PARN: variants seen among roughly 807,000 people sequenced by gnomAD.
PARN encodes the protein poly(A)-specific ribonuclease PARN.
PARN carries 71 observed loss-of-function variants against 102.8 expected under a neutral mutation model. The observed-to-expected ratio is 0.69, with a 90% CI of 0.57 to 0.84. The LOEUF is 0.84. Among genes scored for constraint, PARN ranks in the 40% least tolerant of loss-of-function variants. The probability of loss-of-function intolerance (pLI) is 0.00; values close to 1 mark genes in which losing one functional copy is unlikely to be tolerated. For missense variants in PARN, 782 were observed against 760.9 expected, an observed-to-expected ratio of 1.03 and a Z score of -0.33; for synonymous variants, 261 against 252.9, an observed-to-expected ratio of 1.03 and a Z score of -0.30.
chr16:14,626,902 C>A (rs967491651), intron 5 of PARN, among the ~76,000 whole-genome samples: 1 of 152,118 alleles, frequency 6.6e-6, no homozygotes, highest in African/African-American at 2.4e-5. Flanking sequence ...TAGGCATGAG[C>A]CGCCGTACCT....
intron 22 of PARN, among the ~76,000 whole-genome samples, chr16:14,481,689 T>G (rs1205907310): frequency 2.0e-5 from 3 of 152,232 alleles, no homozygotes; most frequent in Non-Finnish European, 4.4e-5. Flanking sequence ...CAATCTGAAA[T>G]ATTAACAGTG....
intron 22 of PARN, among the ~76,000 whole-genome samples, chr16:14,475,401 C>T (rs984458553): frequency 6.6e-6 from 1 of 152,162 alleles, no homozygotes; most frequent in Admixed American, 6.5e-5. Flanking sequence ...CACTATGCTA[C>T]CCTGTATTTC....
intron 21 of PARN, among the ~76,000 whole-genome samples, chr16:14,502,633 T>G (rs1488275924): frequency 6.6e-6 from 1 of 152,198 alleles, no homozygotes; most frequent in African/African-American, 2.4e-5. Flanking sequence ...TCAAGTACAT[T>G]TGAATTCACA....
chr16:14,609,158 C>G lies in PARN; in HGVS notation c.555-35G>C, dbSNP rs1052632577. ...AAGAATAGACCATAACCATCAGTAC[C>G]TTTAAGGAATGAAGTCATCAACCAA... is the stretch of plus-strand genomic sequence containing the variant. On this transcript the variant is annotated intron_variant, in intron 7 of 23. Transcript: ENST00000437198. The G allele has an allele frequency of 3.9e-6, 4 of 1,029,364 alleles. No homozygotes were observed. The African/African-American group carries it at 6.4e-5, about 17-fold the overall frequency. The allele number at this position is 1,029,364 out of a possible 1,614,324, so 63.8% of individuals were successfully genotyped here. A position where few individuals can be genotyped will look rare whatever the true frequency, so the allele number is the denominator to read the frequency against.
intron 12 of PARN, among the ~76,000 whole-genome samples, chr16:14,593,693 G>GC (rs1264011283): frequency 6.6e-6 from 1 of 151,738 alleles, no homozygotes; most frequent in East Asian, 1.9e-4. Context: ...TGATTGAAAA[G>GC]TTTTTTTAAA....
chr16:14,630,117 T>C lies in PARN; in HGVS notation c.9A>G (p.Ile3Met), dbSNP rs1359611593. 1.0e-5 allele frequency: 16 copies of C among 1,562,592 alleles called. No individual in the cohort carries two copies. Among genetic ancestry groups the C allele is most frequent in the Non-Finnish European group, 1.3e-5 (15 of 1,152,658 alleles). Residue 3 changes from isoleucine (I) to methionine (M), a missense_variant, in exon 1 of 24, where the codon ATA (isoleucine) becomes ATG (methionine). By Grantham distance (10) the Ile-to-Met change is conservative. Transcript: ENST00000437198. ME[I>M]IRSNFKSNLH... ...ACGGCGGACACGCACTGCTCCTGAT[T>C]ATCTCCATTCTGCAGAGTGGCCGGA...
chr16:14,559,601 T>C (rs939052799), intron 18 of PARN, among the ~76,000 whole-genome samples: 18 of 151,752 alleles, frequency 1.2e-4, no homozygotes, highest in Non-Finnish European at 5.9e-5. Flanking sequence ...AATTAAGTTA[T>C]TACCAAATAT....
chr16:14,612,879 G>C (rs1341260648), intron 6 of PARN, among the ~76,000 whole-genome samples: 1 of 151,996 alleles, frequency 6.6e-6, no homozygotes, highest in Non-Finnish European at 1.5e-5. Flanking sequence ...TTACAGGCGT[G>C]AGCCACCGCG....
In PARN at chr16:14,600,979, G is replaced by A. The variant is rs111962514; in HGVS notation, c.784-1019C>T. Among the ~76,000 whole-genome samples the A allele has an allele frequency of 8.0e-3, 1,216 of 152,182 alleles. 10 individuals carry two copies. Among genetic ancestry groups the A allele is most frequent in the Non-Finnish European group, 0.013 (896 of 67,998 alleles). The stretch of plus-strand genomic sequence containing the variant: ...AAAAAACTAACCCCAAGACTAACAA[G>A]TATTTGCAAGGATGTAGAGAAACTG... On this transcript the variant is annotated intron_variant, in intron 11 of 23. Coordinates refer to ENST00000437198, the MANE Select transcript of PARN (RefSeq NM_002582.4).
intron 6 of PARN, among the ~76,000 whole-genome samples, chr16:14,611,593 T>C (rs548741720): frequency 1.3e-5 from 2 of 152,302 alleles, no homozygotes; most frequent in East Asian, 3.9e-4. Flanking sequence ...CAGGCTGGCA[T>C]GCAATGGCAC....
At chr16:14,619,389 C>G (rs1972141073) in intron 5 of PARN, among the ~76,000 whole-genome samples, 1 of 150,982 alleles carries the variant, frequency 6.6e-6, no homozygotes, top group South Asian at 2.1e-4. Flanking sequence ...CGCTGGAGCC[C>G]AGGAGTTTGT....
chr16:14,467,833 C>T (rs552380481), intron 22 of PARN, among the ~76,000 whole-genome samples: 1 of 152,356 alleles, frequency 6.6e-6, no homozygotes, highest in African/African-American at 2.4e-5. Context: ...CGACTTTATA[C>T]TGTTAAAAGA....
intron 21 of PARN, among the ~76,000 whole-genome samples, chr16:14,511,260 T>G (rs1177078965): frequency 6.6e-6 from 1 of 151,070 alleles, no homozygotes; most frequent in Non-Finnish European, 1.5e-5. Context: ...TCTCATTATC[T>G]TTTAAAGGTC....
chr16:14,440,486 G>A (rs1960896353), intron 23 of PARN, among the ~76,000 whole-genome samples: 3 of 152,156 alleles, frequency 2.0e-5, no homozygotes, highest in Non-Finnish European at 4.4e-5. Context: ...ATATGACCCA[G>A]CAACCCCACT....
chr16:14,554,024 A>G lies in PARN; in HGVS notation c.1405+41T>C, dbSNP rs775304794. 3.0e-6 allele frequency: 4 copies of G among 1,343,536 alleles called. No homozygotes were observed. The South Asian group carries it at 3.7e-5, about 12-fold the overall frequency. The allele number at this position is 1,343,536 out of a possible 1,614,324, so 83.2% of individuals were successfully genotyped here. A position where few individuals can be genotyped will look rare whatever the true frequency, so the allele number is the denominator to read the frequency against. On this transcript the variant is annotated intron_variant, in intron 20 of 23. Transcript: ENST00000437198. ...ACTTCTGACCACCTATACCAAATGA[A>G]TAGCAAAACCCTAAAAAGTACATCT...
chr16:14,524,295 G>C, intron 21 of PARN, among the ~76,000 whole-genome samples: 1 of 152,096 alleles, frequency 6.6e-6, no homozygotes, highest in East Asian at 1.9e-4. Flanking sequence ...AAGTGTGAAG[G>C]CAAACCAGTA....
At chr16:14,587,153 G>A (rs868787264) in intron 13 of PARN, among the ~76,000 whole-genome samples, 1 of 152,272 alleles carries the variant, frequency 6.6e-6, no homozygotes, top group South Asian at 2.1e-4. Flanking sequence ...TTTCAAGCCT[G>A]TAAATACAGA....
intron 20 of PARN, among the ~76,000 whole-genome samples, 152 bp from the exon 21 acceptor site, chr16:14,552,247 GAGTT>G (rs1967353991): frequency 6.6e-6 from 1 of 152,144 alleles, no homozygotes; most frequent in African/African-American, 2.4e-5. Context: ...GCCCTACAGA[GAGTT>G]AGCCTGTTCA....
intron 21 of PARN, among the ~76,000 whole-genome samples, chr16:14,546,521 G>T (rs1966955339): frequency 1.3e-5 from 2 of 152,120 alleles, no homozygotes; most frequent in South Asian, 4.1e-4. Flanking sequence ...ATCAATTTCT[G>T]CTTTTAAAAA....
Sources: gnomAD v4.1 joint callset for allele counts (sites outside exome capture counted in the v4.1 genomes callset) on GRCh38, gnomAD v4.1.1 for gene constraint, MANE v1.5 for transcripts, NCBI Gene and HGNC (gene_info 2026-07-23, HGNC 2026-07-21) for gene names.